Variants in NCOR2 observed in about 807,000 individuals in gnomAD.
NCOR2 encodes the protein nuclear receptor corepressor 2.
Under a neutral mutation model 262.9 loss-of-function variants are expected in NCOR2, and 81 were observed. The ratio of observed to expected loss-of-function variants is 0.31; its 90% confidence interval spans 0.26 to 0.37. The LOEUF is 0.37. Ranked by LOEUF, NCOR2 falls within the 10% of genes least tolerant of loss-of-function variation. The pLI, the probability that NCOR2 is intolerant of heterozygous loss-of-function variation, is 1.00. For missense variants in NCOR2, 3,385 were observed against 3,621.4 expected, an observed-to-expected ratio of 0.93 and a Z score of 1.68; for synonymous variants, 1,659 against 1,559.3, an observed-to-expected ratio of 1.06 and a Z score of -1.51.
Position 124,340,536 on chromosome 12 carries a change from C to T in NCOR2, c.5338+66G>A, listed in dbSNP as rs576484049. On this transcript the variant is annotated intron_variant, in intron 35 of 46. Transcript: ENST00000405201. ...TGGGAAAGAGAGCAGGGCTTCTGCC[C>T]GCCCATCCCCCAGCCGCCTCCCATG... 509 of 1,540,434 alleles carry T rather than the reference C, an allele frequency of 3.3e-4. 1 individual carries two copies. The highest frequency in any genetic ancestry group is 4.1e-4 in the Non-Finnish European group (475 of 1,146,710).
chr12:124,350,292 G>A (rs150449965), intron 28 of NCOR2, among the ~76,000 whole-genome samples: 6 of 152,240 alleles, frequency 3.9e-5, no homozygotes, highest in African/African-American at 7.2e-5. Flanking sequence ...CGGTGCTGGA[G>A]GCCTGGCGGC....
In NCOR2 at chr12:124,343,090, G is replaced by T. The variant is rs746963894; in HGVS notation, c.4851C>A (p.Gly1617=). The T allele has an allele frequency of 4.3e-6, 7 of 1,612,158 alleles. No homozygotes were observed. In the East Asian group the frequency reaches 6.7e-5, roughly 15 times the overall value. ...TGCGATACAGGTCCACGCCACTCACGCCCCGAAGCAGGTGCTCATAGGGCG... is the reference window on the plus strand; with the variant it reads ...TGCGATACAGGTCCACGCCACTCACTCCCCGAAGCAGGTGCTCATAGGGCG... The change falls in exon 33 of 47, where the codon GGC becomes GGA. Residue 1617 remains glycine, a synonymous_variant. Coordinates refer to ENST00000405201, the Ensembl canonical transcript of NCOR2.
intron 28 of NCOR2, among the ~76,000 whole-genome samples, chr12:124,350,108 C>T (rs1004627597): frequency 5.3e-5 from 8 of 152,116 alleles, no homozygotes; most frequent in Non-Finnish European, 1.2e-4. Context: ...TTCTCTTTCC[C>T]GGCACTCGAT....
intron 1 of NCOR2, 108 bp downstream of exon 1, chr12:124,567,200 G>A (rs1049665021): frequency 6.6e-6 from 1 of 151,932 alleles, no homozygotes; most frequent in Non-Finnish European, 1.5e-5. Flanking sequence ...GGGAGTGCAG[G>A]GGCCCCGCCA....
At position 124,403,592 on chromosome 12, in the gene NCOR2, G is replaced by A. The variant is rs928164743; in HGVS notation, c.1483-1031C>T. ...ATCTTTCCATCCCTCTGAGCCAAGC[G>A]AAATAAAAATAAACCCCAAAGCCTT... is the stretch of plus-strand genomic sequence containing the variant. On this transcript the variant is annotated intron_variant, in intron 13 of 46. Transcript: ENST00000405201. Among the ~76,000 whole-genome samples, 25 of 152,152 alleles carry A rather than the reference G, an allele frequency of 1.6e-4. 1 individual carries two copies. Among genetic ancestry groups the A allele is most frequent in the Admixed American group, 1.4e-3 (21 of 15,272 alleles).
rs942152631 is a variant in NCOR2, at chr12:124,503,512, GGACA to G, written c.-117-8148_-117-8145del. On this transcript the variant is annotated intron_variant, in intron 1 of 46. Transcript: ENST00000404621. The surrounding 1 kb of genome is among the most constrained non-coding windows in gnomAD (Gnocchi z 4.3). ...TGGATTGATGGATGGATGGATGGATGGACAGAGGATGGACAGATGAATGGATGGA... is the reference window on the plus strand; with the variant it reads ...TGGATTGATGGATGGATGGATGGATGGAGGATGGACAGATGAATGGATGGA... Among the ~76,000 whole-genome samples, 2 of 151,748 alleles carry G rather than the reference GGACA, an allele frequency of 1.3e-5. No individual in the cohort carries two copies. Among genetic ancestry groups the G allele is most frequent in the African/African-American group, 4.8e-5 (2 of 41,308 alleles).
chr12:124,504,601 C>G lies in NCOR2; in HGVS notation c.-117-9233G>C, dbSNP rs937862233. On this transcript the variant is annotated intron_variant, in intron 1 of 46. Transcript: ENST00000404621. This position sits in a 1 kb window ranked among gnomAD's most constrained non-coding sequence, Gnocchi z 4.5. ...AAGGATTAGAATGCCCACAGCAGCACTATTTACATCAGCCAACAAGCAGAA... is the reference window on the plus strand; with the variant it reads ...AAGGATTAGAATGCCCACAGCAGCAGTATTTACATCAGCCAACAAGCAGAA... 6.6e-6 allele frequency among the ~76,000 whole-genome samples: 1 copy of G among 152,226 alleles called. No individual in the cohort carries two copies. The highest frequency in any genetic ancestry group is 2.4e-5 in the African/African-American group (1 of 41,462).
At position 124,467,230 on chromosome 12, in the gene NCOR2, C is replaced by G. The variant is rs186065097; in HGVS notation, c.592-944G>C. On this transcript the variant is annotated intron_variant, in intron 4 of 46. Transcript: ENST00000405201. ...TCCTCATCACTGTCATCCTCATCAC[C>G]CCCCTCATCTTCATCCCCATCACCC... Among the ~76,000 whole-genome samples, 133 of 108,796 alleles carry G rather than the reference C, an allele frequency of 1.2e-3. 2 individuals are homozygous for G. Among genetic ancestry groups the G allele is most frequent in the Admixed American group, 0.011 (122 of 10,920 alleles). The allele number at this position is 108,796 out of a possible 152,430, so 71.4% of individuals were successfully genotyped here. A position where few individuals can be genotyped will look rare whatever the true frequency, so the allele number is the denominator to read the frequency against.
At position 124,393,359 on chromosome 12, in the gene NCOR2, A is replaced by G. The variant is rs114649522; in HGVS notation, c.1876+4760T>C. Among the ~76,000 whole-genome samples the G allele has an allele frequency of 7.9e-3, 1,206 of 152,308 alleles. 15 individuals carry two copies. The highest frequency in any genetic ancestry group is 0.028 in the African/African-American group (1,158 of 41,574). On this transcript the variant is annotated intron_variant, in intron 16 of 46. Transcript: ENST00000405201. ...AGGCAGCACAAGCCCCAGGGCAGGC[A>G]GCCACAGCCGCATGCACACAAGAAG...
At chr12:124,446,198 C>A (rs1327910722) in intron 7 of NCOR2, among the ~76,000 whole-genome samples, 1 of 152,166 alleles carries the variant, frequency 6.6e-6, no homozygotes, top group African/African-American at 2.4e-5. Context: ...ACATTATGCA[C>A]CCTCAGCTTG....
intron 17 of NCOR2, among the ~76,000 whole-genome samples, chr12:124,380,751 G>A (rs1015580079): frequency 3.9e-5 from 6 of 152,036 alleles, no homozygotes; most frequent in South Asian, 2.1e-4. Context: ...TGGTGGTGGC[G>A]CCCAGCATCC....
chr12:124,339,901 A>ATACCCCCC, intron 37 of NCOR2, 105 bp downstream of exon 39: 5 of 186,854 alleles, frequency 2.7e-5, no homozygotes, highest in Non-Finnish European at 4.0e-5. Flanking sequence ...CTGCCCACCC[A>ATACCCCCC]CCCACCTCCC....
chr12:124,354,809 A>C (rs2037821224), intron 25 of NCOR2, 28 bp downstream of exon 27: 1 of 1,602,580 alleles, frequency 6.2e-7, no homozygotes, highest in Admixed American at 1.7e-5. Flanking sequence ...AGCCTGAGCC[A>C]CCCAGACGGA....
At chr12:124,372,115 G>A in exon 20 of NCOR2, 2 of 1,601,996 alleles carry the variant, frequency 1.2e-6, no homozygotes, top group Admixed American at 1.7e-5. Flanking sequence ...GCTCTTGGCT[G>A]TGGTGGCCCT....
At chr12:124,325,846 G>A (rs1282525301) in intron 46 of NCOR2, among the ~76,000 whole-genome samples, 1 of 152,090 alleles carries the variant, frequency 6.6e-6, no homozygotes, top group Non-Finnish European at 1.5e-5. Context: ...TTCTCCCAGG[G>A]GCCTTCTGAC....
exon 47 of NCOR2, chr12:124,325,532 A>T: frequency 7.4e-7 from 1 of 1,342,456 alleles, no homozygotes; most frequent in Non-Finnish European, 9.6e-7. Context: ...GGAAGCCATG[A>T]CACCCGCCTG....
At chr12:124,444,040 C>T (rs955150343) in intron 7 of NCOR2, among the ~76,000 whole-genome samples, 5 of 152,172 alleles carry the variant, frequency 3.3e-5, no homozygotes, top group South Asian at 2.1e-4. Flanking sequence ...CCTTCCTTCC[C>T]GCTCCTGGAG....
At chr12:124,363,868 G>A (rs2038807186) in intron 20 of NCOR2, 69 bp from the exon 23 acceptor site, 6 of 1,254,530 alleles carry the variant, frequency 4.8e-6, no homozygotes, top group East Asian at 2.8e-5. Context: ...GGGGCTGCCC[G>A]GTTTTGATGG....
chr12:124,566,308 C>G lies in NCOR2; in HGVS notation c.-165+1000G>C, dbSNP rs1002922153. On this transcript the variant is annotated intron_variant, in intron 1 of 32. Coordinates refer to the NCOR2 transcript ENST00000458234. This position sits in a 1 kb window ranked among gnomAD's most constrained non-coding sequence, Gnocchi z 4.3. ...CAGACCCTCGGAGAGCCGGAGCGCG[C>G]GACAGGCGGCGGGAGGACACTCGCT... 6.6e-6 allele frequency among the ~76,000 whole-genome samples: 1 copy of G among 152,200 alleles called. No homozygotes were observed. The highest frequency in any genetic ancestry group is 1.5e-5 in the Non-Finnish European group (1 of 68,042).
Sources: gnomAD v4.1 joint callset for allele counts (sites outside exome capture counted in the v4.1 genomes callset) on GRCh38, gnomAD v4.1.1 for gene constraint, Gnocchi (gnomAD v3.1) non-coding constraint, MANE v1.5 for transcripts, NCBI Gene and HGNC (gene_info 2026-07-23, HGNC 2026-07-21) for gene names.